C12orf42: variants seen among roughly 807,000 people sequenced by gnomAD.
C12orf42 encodes chromosome 12 open reading frame 42.
A neutral mutation model predicts 21.6 loss-of-function variants in C12orf42; 25 were observed. The observed-to-expected ratio is 1.16, with a 90% CI of 0.84 to 1.62. The LOEUF is 1.62. Among genes scored for constraint, C12orf42 ranks in the 40% most tolerant of loss-of-function variants. C12orf42 has a pLI of 0.00. For missense variants in C12orf42, 483 were observed against 459.3 expected (o/e 1.05, Z -0.47); for synonymous variants, 174 against 175.0 (o/e 0.99, Z 0.05).
At chr12:103,307,537 T>C (rs531235096) in intron 4 of C12orf42, among the ~76,000 whole-genome samples, 1 of 152,272 alleles carries the variant, frequency 6.6e-6, no homozygotes, top group African/African-American at 2.4e-5. Flanking sequence ...TCAAAGATAT[T>C]AATGAGCAGA....
At chr12:103,478,905 T>C (rs1446820029) in intron 1 of C12orf42, among the ~76,000 whole-genome samples, 3 of 152,156 alleles carry the variant, frequency 2.0e-5, no homozygotes, top group Non-Finnish European at 4.4e-5. Context: ...CCAAAAAATA[T>C]GTCTGTTGAT....
intron 5 of C12orf42, among the ~76,000 whole-genome samples, chr12:103,273,506 T>C (rs548943362): frequency 6.6e-6 from 1 of 152,306 alleles, no homozygotes; most frequent in Non-Finnish European, 1.5e-5. Flanking sequence ...TCCATTTATG[T>C]AGTTTTACCT....
At chr12:103,322,791 A>T (rs1345323403) in intron 4 of C12orf42, among the ~76,000 whole-genome samples, 3 of 152,162 alleles carry the variant, frequency 2.0e-5, no homozygotes, top group East Asian at 1.9e-4. Context: ...TATTTCTCTT[A>T]AAAAAATGGG....
rs60532885 is a variant in C12orf42, at chr12:103,416,837, T to C, written c.79-15162A>G. On this transcript the variant is annotated intron_variant, in intron 2 of 5. Transcript: ENST00000548883. ...TTAGTCTTCTAAACCTTGAATAGTATGCTTCAAAGCAAGCTTTGCAACTGA... is the reference window on the plus strand; with the variant it reads ...TTAGTCTTCTAAACCTTGAATAGTACGCTTCAAAGCAAGCTTTGCAACTGA... Among the ~76,000 whole-genome samples the C allele has an allele frequency of 0.01, 1,597 of 152,316 alleles. 135 individuals carry two copies. The East Asian group carries it at 0.2, about 19-fold the overall frequency.
At chr12:103,100,072 T>C in the C12orf42 span, among the ~76,000 whole-genome samples, 1 of 152,240 alleles carries the variant, frequency 6.6e-6, no homozygotes, top group African/African-American at 2.4e-5. Flanking sequence ...CCATATTGCA[T>C]GTAATTTTGG....
the C12orf42 span, among the ~76,000 whole-genome samples, chr12:103,106,762 AAAC>A: frequency 1.3e-5 from 2 of 152,120 alleles, no homozygotes; most frequent in South Asian, 4.1e-4. Flanking sequence ...ACTAGAAGTC[AAAC>A]AACAAAAAAG....
the C12orf42 span, among the ~76,000 whole-genome samples, chr12:103,561,383 G>C: frequency 1.3e-5 from 2 of 152,176 alleles, no homozygotes; most frequent in Non-Finnish European, 2.9e-5. Context: ...GGTTCTAGAG[G>C]CTGCAAGTCC....
chr12:103,289,886 C>T (rs2036687735), intron 4 of C12orf42, among the ~76,000 whole-genome samples: 1 of 152,086 alleles, frequency 6.6e-6, no homozygotes, highest in Admixed American at 6.6e-5. Flanking sequence ...TTCTTAATGC[C>T]TTTTGGTAAC....
chr12:103,538,219 T>C, the C12orf42 span, among the ~76,000 whole-genome samples: 1 of 152,196 alleles, frequency 6.6e-6, no homozygotes, highest in Admixed American at 6.5e-5. Context: ...AAAAGAATTC[T>C]AGTAAAGCAG....
At chr12:103,118,769 G>GC in the C12orf42 span, among the ~76,000 whole-genome samples, 1 of 71,442 alleles carries the variant, frequency 1.4e-5, no homozygotes, top group Admixed American at 2.5e-4. Context: ...TTGCACTCCA[G>GC]CCTAAAAAAA....
chr12:103,083,172 C>T, the C12orf42 span, among the ~76,000 whole-genome samples: 3 of 152,132 alleles, frequency 2.0e-5, no homozygotes, highest in Non-Finnish European at 4.4e-5. Context: ...TGAGGCCAAC[C>T]TGACCAACAT....
At chr12:103,140,708 T>C in the C12orf42 span, among the ~76,000 whole-genome samples, 2 of 152,138 alleles carry the variant, frequency 1.3e-5, no homozygotes, top group Admixed American at 1.3e-4. Flanking sequence ...CAAGCTTTAT[T>C]AGCATAGGGA....
At chr12:103,369,526 A>T (rs984167752) in intron 3 of C12orf42, among the ~76,000 whole-genome samples, 1 of 151,886 alleles carries the variant, frequency 6.6e-6, no homozygotes, top group African/African-American at 2.4e-5. Flanking sequence ...GTTGAGAGTC[A>T]TTCCAAGCAC....
the C12orf42 span, among the ~76,000 whole-genome samples, chr12:103,103,523 T>A: frequency 6.6e-6 from 1 of 152,222 alleles, no homozygotes; most frequent in Admixed American, 6.5e-5. Context: ...AAGGATCTAT[T>A]TGAACTTGAA....
At chr12:103,384,089 AT>A (rs2046403557) in intron 3 of C12orf42, among the ~76,000 whole-genome samples, 1 of 152,210 alleles carries the variant, frequency 6.6e-6, no homozygotes. Context: ...AAGTGTTGTT[AT>A]TTGTCTTGAT....
At chr12:103,255,433 G>A (rs1211309539) in intron 10 of C12orf42, among the ~76,000 whole-genome samples, 3 of 152,106 alleles carry the variant, frequency 2.0e-5, no homozygotes, top group South Asian at 2.1e-4. Flanking sequence ...AATGAATGGC[G>A]TGTTAAAATC....
the C12orf42 span, among the ~76,000 whole-genome samples, chr12:103,119,753 A>G: frequency 1.3e-5 from 2 of 152,240 alleles, no homozygotes; most frequent in Non-Finnish European, 2.9e-5. Context: ...AAATTGGGAT[A>G]GAGTCTTCAA....
chr12:103,257,690 G>A (rs1265314492), intron 10 of C12orf42, among the ~76,000 whole-genome samples: 1 of 151,718 alleles, frequency 6.6e-6, no homozygotes, highest in Non-Finnish European at 1.5e-5. Flanking sequence ...GAATAATGAG[G>A]TAAAGGGGTT....
chr12:103,131,279 G>A, the C12orf42 span, among the ~76,000 whole-genome samples: 2 of 152,174 alleles, frequency 1.3e-5, no homozygotes, highest in Non-Finnish European at 2.9e-5. Context: ...AGGAAGAGAA[G>A]AATTCTGAAT....
Sources: gnomAD v4.1 joint callset for allele counts (sites outside exome capture counted in the v4.1 genomes callset) on GRCh38, gnomAD v4.1.1 for gene constraint, MANE v1.5 for transcripts, NCBI Gene and HGNC (gene_info 2026-07-23, HGNC 2026-07-21) for gene names.